The following MINK1 variants were observed in gnomAD, a reference collection of about 807,000 sequenced individuals.
MINK1 encodes misshapen-like kinase 1.
Under a neutral mutation model 178.4 loss-of-function variants are expected in MINK1, and 46 were observed. The observed-to-expected ratio is 0.26, with a 90% CI of 0.20 to 0.33. The LOEUF is 0.33. Among genes scored for constraint, MINK1 ranks in the 10% least tolerant of loss-of-function variants. The pLI is 1.00. For synonymous variants in MINK1, 797 were observed against 709.7 expected (o/e 1.12, Z -1.96); for missense variants, 1,366 against 1,814.9 (o/e 0.75, Z 4.49).
chr17:4,841,345 C>T (rs1910190146), intron 1 of MINK1, among the ~76,000 whole-genome samples: 1 of 152,116 alleles, frequency 6.6e-6, no homozygotes, highest in Non-Finnish European at 1.5e-5. Flanking sequence ...CAGGAACCAC[C>T]TGGGGATGGG....
In MINK1 at chr17:4,885,389, T is replaced by C; in HGVS notation, c.509-94T>C. The C allele has an allele frequency of 1.3e-6, 2 of 1,535,352 alleles. No individual in the cohort carries two copies. Among genetic ancestry groups the C allele is most frequent in the Admixed American group, 1.8e-5 (1 of 56,650 alleles). On this transcript the variant is annotated intron_variant, in intron 6 of 31. Coordinates refer to ENST00000355280, the MANE Select transcript of MINK1 (RefSeq NM_153827.5). The surrounding 1 kb of genome is among the most constrained non-coding windows in gnomAD (Gnocchi z 5.0). ...GTCTGGGTCGGGCCAGGACCACAGCTGGCTCAGGCAAGTCCTGTGTGTGCA... is the reference window on the plus strand; with the variant it reads ...GTCTGGGTCGGGCCAGGACCACAGCCGGCTCAGGCAAGTCCTGTGTGTGCA...
intron 17 of MINK1, 49 bp from the exon 18 acceptor site, chr17:4,892,353 C>G: frequency 6.8e-7 from 1 of 1,463,066 alleles, no homozygotes; most frequent in Middle Eastern, 2.1e-4. Context: ...GCCCCATCAC[C>G]TCAGCGCCCC....
chr17:4,882,580 C>T (rs1235381434), intron 4 of MINK1, among the ~76,000 whole-genome samples: 2 of 152,194 alleles, frequency 1.3e-5, no homozygotes, highest in African/African-American at 4.8e-5. Flanking sequence ...GCTTCTAAGT[C>T]AGGGACTGGC....
At chr17:4,860,910 T>G in intron 1 of MINK1, 1 of 446,164 alleles carries the variant, frequency 2.2e-6, no homozygotes, top group Non-Finnish European at 4.6e-6. Context: ...CTTGAAATAG[T>G]TAAAGGGGGA....
chr17:4,880,093 A>G (rs1967554414), intron 2 of MINK1, among the ~76,000 whole-genome samples: 2 of 152,162 alleles, frequency 1.3e-5, no homozygotes, highest in Admixed American at 6.5e-5. Context: ...AGAGGCTGGA[A>G]CAGAACATAA....
chr17:4,852,887 T>G (rs369337613), intron 1 of MINK1, among the ~76,000 whole-genome samples: 12 of 560 alleles, frequency 0.021, no homozygotes, highest in East Asian at 0.11. Flanking sequence ...GAGTGTGATT[T>G]GTGGGGGAGT....
Position 4,897,484 on chromosome 17 carries a change from T to G in MINK1, c.*197T>G. On this transcript the variant is annotated 3_prime_UTR_variant, in exon 32 of 32. Coordinates refer to ENST00000355280, the MANE Select transcript of MINK1 (RefSeq NM_153827.5). ...CCATCCTCTTCCCCAACATGTCCTCTTCCCAAAACTGTGCCTGTCCCCAGC... is the reference window on the plus strand; with the variant it reads ...CCATCCTCTTCCCCAACATGTCCTCGTCCCAAAACTGTGCCTGTCCCCAGC... 1 of 547,974 alleles carries G rather than the reference T, an allele frequency of 1.8e-6. No individual in the cohort carries two copies. The highest frequency in any genetic ancestry group is 3.2e-6 in the Non-Finnish European group (1 of 307,848). 33.9% of individuals were successfully genotyped at this position (547,974 alleles called of 1,614,324 possible). A position where few individuals can be genotyped will look rare whatever the true frequency, so the allele number is the denominator to read the frequency against.
intron 1 of MINK1, among the ~76,000 whole-genome samples, chr17:4,849,331 A>G (rs902979442): frequency 3.1e-4 from 47 of 152,180 alleles, no homozygotes; most frequent in Admixed American, 6.5e-4. Context: ...GCCTGAGGGG[A>G]AAACCTATGC....
chr17:4,881,015 C>T lies in MINK1; in HGVS notation c.155C>T (p.Ala52Val), dbSNP rs1451638349. 6.5e-7 allele frequency: 1 copy of T among 1,528,294 alleles called. No homozygotes were observed. The highest frequency in any genetic ancestry group is 8.8e-7 in the Non-Finnish European group (1 of 1,142,284). 94.7% of individuals were successfully genotyped at this position (1,528,294 alleles called of 1,614,324 possible). Residue 52 changes from alanine to valine, a missense_variant, in exon 3 of 32, where the codon GCC (alanine) becomes GTC (valine). Physicochemically the swap from Ala to Val is moderately conservative, Grantham distance 64. This residue lies in a region of MINK1 where 109 missense variants were observed against 369.4 expected (regional missense o/e 0.30). Coordinates refer to ENST00000355280, the MANE Select transcript of MINK1 (RefSeq NM_153827.5). Reference sequence around the variant, plus strand: ...CATGTCAAGACGGGGCAGCTGGCTGCCATCAAGGTCATGGATGTCACGGAG... The same window carrying T: ...CATGTCAAGACGGGGCAGCTGGCTGTCATCAAGGTCATGGATGTCACGGAG... ...GRHVKTGQLA[A>V]IKVMDVTEDE...
At position 4,858,974 on chromosome 17, in the gene MINK1, C is replaced by G. The variant is rs112019488; in HGVS notation, c.58-19343C>G. ...TCCTCCCAACACCCGGGATTCCCCC[C>G]GGCCCCTCCCAACACCAGGCACCCG... On this transcript the variant is annotated intron_variant, in intron 1 of 31. Coordinates refer to ENST00000355280, the MANE Select transcript of MINK1 (RefSeq NM_153827.5). Among the ~76,000 whole-genome samples the G allele has an allele frequency of 3.2e-3, 488 of 151,082 alleles. 5 individuals carry two copies. Among genetic ancestry groups the G allele is most frequent in the Non-Finnish European group, 5.1e-3 (343 of 67,872 alleles).
intron 1 of MINK1, among the ~76,000 whole-genome samples, chr17:4,865,850 G>GT (rs1461900627): frequency 6.6e-6 from 1 of 151,826 alleles, no homozygotes; most frequent in Non-Finnish European, 1.5e-5. Context: ...AGCTATGATT[G>GT]TGCCACTGCA....
rs1302289437 is a variant in MINK1 at position 4,885,103 on chromosome 17, C to T, written c.508+101C>T. 1 of 1,095,612 alleles carries T rather than the reference C, an allele frequency of 9.1e-7. No individual in the cohort carries two copies. The highest frequency in any genetic ancestry group is 1.3e-6 in the Non-Finnish European group (1 of 741,790). 67.9% of individuals were successfully genotyped at this position (1,095,612 alleles called of 1,614,324 possible). A position where few individuals can be genotyped will look rare whatever the true frequency, so the allele number is the denominator to read the frequency against. On this transcript the variant is annotated intron_variant, in intron 6 of 31. Transcript: ENST00000355280. The surrounding 1 kb of genome is among the most constrained non-coding windows in gnomAD (Gnocchi z 5.0). The stretch of plus-strand genomic sequence containing the variant: ...TGGTGGCTCAGGCCCAACTCCCTTC[C>T]TACTGGGGAGGCTCACTCCCTCCCC...
chr17:4,869,656 C>T (rs572985423), intron 1 of MINK1, among the ~76,000 whole-genome samples: 1 of 152,038 alleles, frequency 6.6e-6, no homozygotes, highest in East Asian at 1.9e-4. Flanking sequence ...TTTTGAGGAA[C>T]CTGCTTACTG....
chr17:4,893,666 G>T, intron 21 of MINK1, 69 bp downstream of exon 21: 2 of 1,477,586 alleles, frequency 1.4e-6, no homozygotes, highest in Non-Finnish European at 9.0e-7. Flanking sequence ...CAGTGGGGAA[G>T]AGGTGGGGCT....
intron 2 of MINK1, among the ~76,000 whole-genome samples, chr17:4,880,700 C>T (rs1473460489): frequency 6.6e-6 from 1 of 150,580 alleles, no homozygotes; most frequent in Non-Finnish European, 1.5e-5. Context: ...GAGATCGAGA[C>T]CATCCTGGCT....
At chr17:4,850,155 A>G (rs1334760778) in intron 1 of MINK1, among the ~76,000 whole-genome samples, 3 of 151,892 alleles carry the variant, frequency 2.0e-5, no homozygotes, top group Non-Finnish European at 4.4e-5. Context: ...AGAAGGGACC[A>G]TTTCTGTTTT....
intron 13 of MINK1, 139 bp from the exon 14 acceptor site, chr17:4,890,378 A>G: frequency 2.8e-6 from 4 of 1,444,894 alleles, no homozygotes; most frequent in Non-Finnish European, 3.6e-6. Flanking sequence ...GGATGGGAAC[A>G]CTTCAAGGGA....
Position 4,833,756 on chromosome 17 carries a change from C to T in MINK1, c.57+116C>T, listed in dbSNP as rs907912331. The T allele has an allele frequency of 2.4e-6, 2 of 816,378 alleles. No homozygotes were observed. The highest frequency in any genetic ancestry group is 2.0e-5 in the South Asian group (1 of 49,152). 50.6% of individuals were successfully genotyped at this position (816,378 alleles called of 1,614,324 possible). ...CGCCCCCTCCACCAGCTTGGGTCCC[C>T]TTGGCGACCCGTGCCCCTTTCCCGG... is the stretch of plus-strand genomic sequence containing the variant. On this transcript the variant is annotated intron_variant, in intron 1 of 31. Transcript: ENST00000355280. This position sits in a 1 kb window ranked among gnomAD's most constrained non-coding sequence, Gnocchi z 4.8.
chr17:4,833,780 G>A lies in MINK1; in HGVS notation c.57+140G>A. On this transcript the variant is annotated intron_variant, in intron 1 of 31. Transcript: ENST00000355280. The surrounding 1 kb of genome is among the most constrained non-coding windows in gnomAD (Gnocchi z 4.8). ...CCTTGGCGACCCGTGCCCCTTTCCC[G>A]GACTCCCGCCGCGGCTGGGCCCCCG... The A allele has an allele frequency of 1.6e-6, 1 of 628,902 alleles. No individual in the cohort carries two copies. The highest frequency in any genetic ancestry group is 2.5e-6 in the Non-Finnish European group (1 of 395,776). 39.0% of individuals were successfully genotyped at this position (628,902 alleles called of 1,614,324 possible).
Sources: gnomAD v4.1 joint callset for allele counts (sites outside exome capture counted in the v4.1 genomes callset) on GRCh38, gnomAD v4.1.1 for gene constraint, gnomAD v4.1.1 regional missense constraint, Gnocchi (gnomAD v3.1) non-coding constraint, MANE v1.5 for transcripts, NCBI Gene and HGNC (gene_info 2026-07-23, HGNC 2026-07-21) for gene names.